ME3: variants seen among roughly 807,000 people sequenced by gnomAD.
ME3 encodes the protein malic enzyme 3.
A neutral mutation model predicts 68.9 loss-of-function variants in ME3; 48 were observed. The ratio of observed to expected loss-of-function variants is 0.70; its 90% CI spans 0.55 to 0.89. ME3 has a LOEUF of 0.89. Among genes scored for constraint, ME3 ranks in the 40% least tolerant of loss-of-function variants. The probability of loss-of-function intolerance (pLI) is 0.00; values close to 1 mark genes in which losing one functional copy is unlikely to be tolerated. For synonymous variants in ME3, 320 were observed against 318.8 expected, an observed-to-expected ratio of 1.00 and a Z score of -0.04; for missense variants, 675 against 797.4, an observed-to-expected ratio of 0.85 and a Z score of 1.85.
At chr11:86,487,666 G>A (rs192036383) in intron 6 of ME3, among the ~76,000 whole-genome samples, 164 of 152,246 alleles carry the variant, frequency 1.1e-3, no homozygotes, top group African/African-American at 3.9e-3. Context: ...GGAAACCAAG[G>A]ATGCTTTGAA....
chr11:86,517,487 A>G (rs1470779574), intron 4 of ME3, among the ~76,000 whole-genome samples: 1 of 152,198 alleles, frequency 6.6e-6, no homozygotes, highest in Admixed American at 6.5e-5. Context: ...TGTTTGTTCA[A>G]TAAAGATGTC....
At chr11:86,637,014 C>T (rs1036853034) in intron 2 of ME3, among the ~76,000 whole-genome samples, 1 of 152,088 alleles carries the variant, frequency 6.6e-6, no homozygotes, top group Non-Finnish European at 1.5e-5. Flanking sequence ...AATCTGTTTG[C>T]CTGCCATCAT....
intron 2 of ME3, among the ~76,000 whole-genome samples, chr11:86,586,885 T>C (rs1026280790): frequency 2.0e-5 from 3 of 152,118 alleles, no homozygotes; most frequent in African/African-American, 7.2e-5. Flanking sequence ...TTTTAGTTGA[T>C]AGACAGAGTT....
At chr11:86,558,076 A>G (rs771510960) in intron 3 of ME3, among the ~76,000 whole-genome samples, 1 of 152,118 alleles carries the variant, frequency 6.6e-6, no homozygotes, top group Non-Finnish European at 1.5e-5. Context: ...GCTCCCAGTA[A>G]TGGGCACACT....
chr11:86,507,066 G>C (rs1953134316), intron 5 of ME3, among the ~76,000 whole-genome samples: 1 of 152,230 alleles, frequency 6.6e-6, no homozygotes, highest in African/African-American at 2.4e-5. Flanking sequence ...CTCGAGCCTG[G>C]CTCCTGAGGG....
At chr11:86,580,641 G>C (rs1945145) in intron 2 of ME3, among the ~76,000 whole-genome samples, 73,030 of 151,972 alleles carry the variant, frequency 0.48, 19,033 homozygotes, top group East Asian at 0.71. Context: ...TTTCAGTTTT[G>C]TCCTTCTGCC....
chr11:86,528,902 C>A (rs1954983154), intron 4 of ME3, among the ~76,000 whole-genome samples: 1 of 151,964 alleles, frequency 6.6e-6, no homozygotes, highest in Non-Finnish European at 1.5e-5. Context: ...CAAGAGAAAG[C>A]AGGAAAGATC....
At chr11:86,441,286 G>C in exon 15 of ME3, 1 of 1,600,562 alleles carries the variant, frequency 6.2e-7, no homozygotes, top group Non-Finnish European at 8.5e-7. Context: ...GCCTCAGACC[G>C]TCTGAACATT....
intron 3 of ME3, among the ~76,000 whole-genome samples, chr11:86,557,800 C>T (rs1456558580): frequency 6.6e-6 from 1 of 152,182 alleles, no homozygotes; most frequent in Admixed American, 6.5e-5. Context: ...CTCAATTCTA[C>T]ATTCAGTTAT....
intron 2 of ME3, among the ~76,000 whole-genome samples, chr11:86,640,524 T>C (rs1046183438): frequency 6.6e-6 from 1 of 152,246 alleles, no homozygotes; most frequent in Non-Finnish European, 1.5e-5. Context: ...ATTTTCACAC[T>C]GACTGGACAG....
At chr11:86,596,071 T>C (rs1594591846) in intron 2 of ME3, among the ~76,000 whole-genome samples, 1 of 152,262 alleles carries the variant, frequency 6.6e-6, no homozygotes. Context: ...AATTCTTTTA[T>C]ATTTTTCCCT....
chr11:86,503,098 A>T (rs1367231905), intron 5 of ME3, among the ~76,000 whole-genome samples: 17 of 151,842 alleles, frequency 1.1e-4, no homozygotes, highest in Non-Finnish European at 1.5e-5. Context: ...AATAATGCAC[A>T]CTTCTTAGTT....
At chr11:86,537,742 G>C (rs902931794) in intron 4 of ME3, among the ~76,000 whole-genome samples, 1 of 152,202 alleles carries the variant, frequency 6.6e-6, no homozygotes, top group South Asian at 2.1e-4. Flanking sequence ...AGTGCAGGGA[G>C]TTGTCTAGGA....
At chr11:86,439,046 A>G (rs1237966299), downstream of ME3, among the ~76,000 whole-genome samples, 2 of 152,202 alleles carry the variant, frequency 1.3e-5, no homozygotes, top group Non-Finnish European at 2.9e-5. Flanking sequence ...TCTCTTACTC[A>G]AGGGAGGGCG....
intron 7 of ME3, among the ~76,000 whole-genome samples, chr11:86,486,781 A>G (rs1202707306): frequency 6.6e-6 from 1 of 152,226 alleles, no homozygotes; most frequent in Admixed American, 6.5e-5. Flanking sequence ...ACGATGGCAG[A>G]CAGATGGGGC....
intron 2 of ME3, among the ~76,000 whole-genome samples, chr11:86,594,500 G>T (rs1429138040): frequency 6.9e-6 from 1 of 144,886 alleles, no homozygotes; most frequent in Non-Finnish European, 1.5e-5. Context: ...AGACCAACCT[G>T]GGCAACATAA....
At chr11:86,489,543 C>A (rs193159063) in intron 6 of ME3, among the ~76,000 whole-genome samples, 50 of 152,210 alleles carry the variant, frequency 3.3e-4, no homozygotes, top group African/African-American at 1.1e-3. Context: ...CTTAAGGGAA[C>A]CTGCTGAGGG....
intron 2 of ME3, among the ~76,000 whole-genome samples, chr11:86,658,048 T>A (rs950878903): frequency 6.6e-6 from 1 of 152,042 alleles, no homozygotes; most frequent in Non-Finnish European, 1.5e-5. Context: ...AGGATATGCC[T>A]CATATATGAG....
At chr11:86,521,297 A>C (rs1025668357) in intron 4 of ME3, among the ~76,000 whole-genome samples, 7 of 152,200 alleles carry the variant, frequency 4.6e-5, no homozygotes, top group African/African-American at 1.7e-4. Context: ...TCAGAGGCTG[A>C]GGCAGGAGAA....
Sources: gnomAD v4.1 joint callset for allele counts (sites outside exome capture counted in the v4.1 genomes callset) on GRCh38, gnomAD v4.1.1 for gene constraint, MANE v1.5 for transcripts, NCBI Gene and HGNC (gene_info 2026-07-23, HGNC 2026-07-21) for gene names.